The following SSH2 variants were observed in gnomAD, a reference collection of about 807,000 sequenced individuals.
SSH2 encodes the protein slingshot protein phosphatase 2.
Under a neutral mutation model 135.2 loss-of-function variants are expected in SSH2, and 37 were observed. The ratio of observed to expected loss-of-function variants is 0.27; its 90% CI spans 0.21 to 0.36. SSH2 has a LOEUF of 0.36. Among genes scored for constraint, SSH2 ranks in the 10% least tolerant of loss-of-function variants. The pLI is 1.00. For missense variants in SSH2, 1,408 were observed against 1,765.3 expected (o/e 0.80, Z 3.63); for synonymous variants, 628 against 646.2 (o/e 0.97, Z 0.43).
Position 29,798,244 on chromosome 17 carries a change from G to A in SSH2, c.145-4307C>T, listed in dbSNP as rs146087021. ...GGCTGGAGTGCAGTGGTGGGATCTC[G>A]GCTCACTGGGTTCAAGCGATTCTCC... On this transcript the variant is annotated intron_variant, in intron 2 of 15. Coordinates refer to ENST00000540801, the MANE Select transcript of SSH2 (RefSeq NM_001282129.2). Among the ~76,000 whole-genome samples the A allele has an allele frequency of 3.8e-3, 572 of 151,362 alleles. 4 individuals carry two copies. The highest frequency in any genetic ancestry group is 0.013 in the African/African-American group (547 of 41,208).
At chr17:29,905,841 G>T (rs983642488) in intron 1 of SSH2, among the ~76,000 whole-genome samples, 14 of 152,214 alleles carry the variant, frequency 9.2e-5, no homozygotes, top group African/African-American at 3.4e-4. Context: ...ATAAAACCCT[G>T]GGCTCAGCCA....
chr17:29,908,750 C>A, intron 1 of SSH2, among the ~76,000 whole-genome samples: 3 of 106,384 alleles, frequency 2.8e-5, no homozygotes, highest in Non-Finnish European at 1.7e-5. Context: ...GGCAACAGAG[C>A]AAGACTCCAT....
In SSH2 at chr17:29,810,275, G is replaced by A. The variant is rs553664106; in HGVS notation, c.145-16338C>T. 7.9e-5 allele frequency among the ~76,000 whole-genome samples: 12 copies of A among 152,162 alleles called. No homozygotes were observed. The South Asian group carries it at 1.5e-3, about 18-fold the overall frequency. On this transcript the variant is annotated intron_variant, in intron 2 of 15. Coordinates refer to ENST00000540801, the MANE Select transcript of SSH2 (RefSeq NM_001282129.2). ...ATAGCCATCCCACATTTTCACATAC[G>A]CAACCATTTTAGAGACTGCACAACA...
At position 29,632,063 on chromosome 17, in the gene SSH2, A is replaced by G; in HGVS notation, c.3131T>C (p.Ile1044Thr). The G allele has an allele frequency of 6.2e-7, 1 of 1,614,196 alleles. No individual in the cohort carries two copies. The highest frequency in any genetic ancestry group is 1.3e-5 in the African/African-American group (1 of 75,046). Residue 1044 changes from isoleucine to threonine, a missense_variant, in exon 16 of 16, where the codon ATA becomes ACA. Physicochemically the swap from Ile to Thr is moderately conservative, Grantham distance 89 (BLOSUM62 -1). This residue lies in a region of SSH2 where 1,080 missense variants were observed against 1,144.5 expected (regional missense o/e 0.94). Transcript: ENST00000540801. ...CCCAGTGTGATTGGGTGATGTAACTATGTGGGTATATTCAATGATTTCTAC... is the reference window on the plus strand; with the variant it reads ...CCCAGTGTGATTGGGTGATGTAACTGTGTGGGTATATTCAATGATTTCTAC... ...KRVEIIEYTHIVTSPNHTGPG... is the reference protein window; with the variant it reads ...KRVEIIEYTHTVTSPNHTGPG...
At chr17:29,851,164 TTAA>T (rs1231625212) in intron 1 of SSH2, among the ~76,000 whole-genome samples, 3 of 152,200 alleles carry the variant, frequency 2.0e-5, no homozygotes, top group Non-Finnish European at 4.4e-5. Flanking sequence ...AGCTAAAGGC[TTAA>T]TAATAAATAT....
At chr17:29,777,479 G>A (rs1373082220) in intron 3 of SSH2, 1 of 152,164 alleles carries the variant, frequency 6.6e-6, no homozygotes, top group Non-Finnish European at 1.5e-5. Flanking sequence ...ATACGAAAAT[G>A]TATGGTGCAC....
intron 3 of SSH2, among the ~76,000 whole-genome samples, chr17:29,714,873 T>G (rs929741803): frequency 2.0e-5 from 3 of 152,132 alleles, no homozygotes; most frequent in African/African-American, 4.8e-5. Flanking sequence ...TTTTTTTCTT[T>G]TTTTGTTTTT....
chr17:29,632,356 T>TG lies in SSH2; in HGVS notation c.2837dup (p.Glu947ArgfsTer22), dbSNP rs752567808. 3.7e-6 allele frequency: 6 copies of TG among 1,613,886 alleles called. No homozygotes were observed. The highest frequency in any genetic ancestry group is 4.2e-6 in the Non-Finnish European group (5 of 1,179,854). The stretch of plus-strand genomic sequence containing the variant: ...GTTCCTTGAGGACAAATGAATGTTC[T>TG]GGGGGGGCTTCATCACTTTTCCCTT... On this transcript the variant is annotated frameshift_variant, in exon 16 of 16. Transcript: ENST00000540801. LOFTEE classifies it high-confidence loss of function.
intron 3 of SSH2, among the ~76,000 whole-genome samples, chr17:29,774,576 T>C (rs2041656415): frequency 6.6e-6 from 1 of 152,194 alleles, no homozygotes; most frequent in Non-Finnish European, 1.5e-5. Context: ...ATTAATTTTT[T>C]AAAGTTTCCT....
intron 4 of SSH2, among the ~76,000 whole-genome samples, chr17:29,697,884 G>T (rs542836985): frequency 4.6e-5 from 7 of 152,134 alleles, no homozygotes; most frequent in African/African-American, 1.7e-4. Context: ...CCAAAAAGTT[G>T]TACACACATC....
intron 3 of SSH2, among the ~76,000 whole-genome samples, chr17:29,703,944 T>C (rs1441171837): frequency 6.6e-6 from 1 of 152,204 alleles, no homozygotes. Flanking sequence ...GAAACCAGAA[T>C]GCCTGAGTTT....
intron 2 of SSH2, among the ~76,000 whole-genome samples, chr17:29,827,811 C>T (rs992525309): frequency 6.6e-6 from 1 of 151,134 alleles, no homozygotes; most frequent in Non-Finnish European, 1.5e-5. Context: ...AGCATAGCTA[C>T]AATATCTGTA....
chr17:29,806,907 C>T (rs1435771722), intron 2 of SSH2, among the ~76,000 whole-genome samples: 1 of 152,210 alleles, frequency 6.6e-6, no homozygotes, highest in Non-Finnish European at 1.5e-5. Context: ...AATTGCTTAG[C>T]CTGGCATCTG....
chr17:29,709,009 TATATATAGAGAG>T (rs1009648881), intron 3 of SSH2, among the ~76,000 whole-genome samples: 2 of 103,080 alleles, frequency 1.9e-5, no homozygotes, highest in African/African-American at 3.2e-5. Flanking sequence ...TATATATATA[TATATATAGAGAG>T]AGAGAGAGAG....
chr17:29,643,619 A>G (rs1243910721), intron 14 of SSH2, among the ~76,000 whole-genome samples: 1 of 151,850 alleles, frequency 6.6e-6, no homozygotes, highest in Non-Finnish European at 1.5e-5. Flanking sequence ...CAGCCTCCCG[A>G]GTAGCTGGGA....
chr17:29,751,444 G>C (rs1269530245), intron 3 of SSH2, among the ~76,000 whole-genome samples: 1 of 151,890 alleles, frequency 6.6e-6, no homozygotes, highest in African/African-American at 2.4e-5. Flanking sequence ...AACAAAGAAA[G>C]AGAGTCCACT....
intron 1 of SSH2, 114 bp downstream of exon 1, chr17:29,929,824 C>T (rs1166781328): frequency 1.0e-5 from 10 of 999,974 alleles, no homozygotes; most frequent in Non-Finnish European, 1.5e-5. Flanking sequence ...CAGCCGAGTG[C>T]CAAGGCCTGG....
chr17:29,723,994 A>G (rs1314174028), intron 3 of SSH2, among the ~76,000 whole-genome samples: 1 of 152,222 alleles, frequency 6.6e-6, no homozygotes, highest in Non-Finnish European at 1.5e-5. Context: ...GTTCAGGCAC[A>G]GTAGCCTCTC....
chr17:29,768,763 T>G (rs977754819), intron 3 of SSH2, among the ~76,000 whole-genome samples: 3 of 152,180 alleles, frequency 2.0e-5, no homozygotes, highest in Non-Finnish European at 2.9e-5. Context: ...TGTGGCCTAA[T>G]ACCATCAGTG....
Sources: gnomAD v4.1 joint callset for allele counts (sites outside exome capture counted in the v4.1 genomes callset) on GRCh38, gnomAD v4.1.1 for gene constraint, gnomAD v4.1.1 regional missense constraint, MANE v1.5 for transcripts, NCBI Gene and HGNC (gene_info 2026-07-23, HGNC 2026-07-21) for gene names.